Variants in SNX7 observed in about 807,000 individuals in gnomAD.
SNX7 encodes sorting nexin 7.
SNX7 carries 35 observed loss-of-function variants against 48.4 expected under a neutral mutation model. The observed-to-expected ratio is 0.72, with a 90% CI of 0.55 to 0.96. SNX7 has a LOEUF of 0.96. Ranked by LOEUF, SNX7 falls within the 40% of genes least tolerant of loss-of-function variation. The pLI is 0.00. For missense variants in SNX7, 553 were observed against 548.9 expected, an observed-to-expected ratio of 1.01 and a Z score of -0.07; for synonymous variants, 190 against 190.2, an observed-to-expected ratio of 1.00 and a Z score of 0.01.
intron 7 of SNX7, among the ~76,000 whole-genome samples, chr1:98,720,299 TC>T (rs1652797127): frequency 6.6e-6 from 1 of 152,070 alleles, no homozygotes; most frequent in South Asian, 2.1e-4. Flanking sequence ...AATCTTTGTC[TC>T]CTTTCTTTAA....
In SNX7 at chr1:98,668,449, T is replaced by C. The variant is rs1649662767; in HGVS notation, c.180+6538T>C. Among the ~76,000 whole-genome samples the C allele has an allele frequency of 2.0e-5, 3 of 152,228 alleles. No homozygotes were observed. In the South Asian group the frequency reaches 6.2e-4, roughly 31 times the overall value. ...CTCATCTTCAGATGCCAGTGCCTTG[T>C]TATGGATTCTTTGGAATACTGTGTT... On this transcript the variant is annotated intron_variant, in intron 1 of 8. Transcript: ENST00000306121.
At chr1:98,736,532 A>G (rs571961378) in intron 7 of SNX7, among the ~76,000 whole-genome samples, 2 of 152,300 alleles carry the variant, frequency 1.3e-5, no homozygotes, top group East Asian at 3.9e-4. Flanking sequence ...TTTAAGATTC[A>G]GCAAAATACC....
chr1:98,754,847 C>A (rs907030322), intron 8 of SNX7, among the ~76,000 whole-genome samples: 1 of 144,464 alleles, frequency 6.9e-6, no homozygotes, highest in Non-Finnish European at 1.5e-5. Flanking sequence ...GTTTTTTTTT[C>A]TTCTGCATTT....
intron 1 of SNX7, among the ~76,000 whole-genome samples, chr1:98,663,947 C>G (rs4402170): frequency 0.24 from 36,158 of 152,062 alleles, 4,423 homozygotes; most frequent in East Asian, 0.33. Context: ...TAAAATTAGC[C>G]ACTTTCATCC....
intron 1 of SNX7, among the ~76,000 whole-genome samples, chr1:98,666,899 T>C (rs1649565815): frequency 6.6e-6 from 1 of 152,192 alleles, no homozygotes; most frequent in South Asian, 2.1e-4. Flanking sequence ...TGAAACCATA[T>C]GTAAATGCTT....
At chr1:98,706,909 A>C (rs1457783302) in intron 7 of SNX7, among the ~76,000 whole-genome samples, 1 of 152,160 alleles carries the variant, frequency 6.6e-6, no homozygotes, top group African/African-American at 2.4e-5. Context: ...TAATTTTCTC[A>C]GATTTGGAAA....
chr1:98,687,036 G>A (rs957929728), intron 2 of SNX7, among the ~76,000 whole-genome samples: 1 of 152,022 alleles, frequency 6.6e-6, no homozygotes, highest in Non-Finnish European at 1.5e-5. Flanking sequence ...AGTAATAGTA[G>A]TAGTAATAAT....
intron 8 of SNX7, among the ~76,000 whole-genome samples, chr1:98,738,878 T>C (rs189869393): frequency 1.2e-3 from 142 of 119,618 alleles, no homozygotes; most frequent in African/African-American, 4.6e-3. Flanking sequence ...CTGACTTTTC[T>C]CAGAGAAGTT....
intron 4 of SNX7, among the ~76,000 whole-genome samples, chr1:98,694,060 T>C (rs1382329365): frequency 6.6e-6 from 1 of 152,208 alleles, no homozygotes; most frequent in Non-Finnish European, 1.5e-5. Context: ...ATGAAATAAC[T>C]AGTTTCGTAT....
intron 8 of SNX7, among the ~76,000 whole-genome samples, chr1:98,755,162 A>G (rs1360853846): frequency 1.4e-4 from 21 of 152,176 alleles, no homozygotes; most frequent in Admixed American, 1.4e-3. Context: ...TGTTCAGAGA[A>G]CATACTTTAT....
At chr1:98,721,598 C>T (rs1652875978) in intron 7 of SNX7, among the ~76,000 whole-genome samples, 1 of 151,856 alleles carries the variant, frequency 6.6e-6, no homozygotes, top group Non-Finnish European at 1.5e-5. Flanking sequence ...TAATATTTAC[C>T]TTACAGGGTA....
At chr1:98,746,250 A>G (rs770960745) in intron 8 of SNX7, among the ~76,000 whole-genome samples, 20 of 152,098 alleles carry the variant, frequency 1.3e-4, no homozygotes, top group Non-Finnish European at 2.8e-4. Context: ...ACTATTATAA[A>G]TATCAGAGGA....
At chr1:98,721,773 T>A (rs1005377398) in intron 7 of SNX7, among the ~76,000 whole-genome samples, 3 of 152,096 alleles carry the variant, frequency 2.0e-5, no homozygotes, top group Admixed American at 6.6e-5. Context: ...CTAATGGTAA[T>A]TGAACATACT....
At chr1:98,728,676 C>G (rs1056723408) in intron 7 of SNX7, among the ~76,000 whole-genome samples, 1 of 151,964 alleles carries the variant, frequency 6.6e-6, no homozygotes, top group African/African-American at 2.4e-5. Flanking sequence ...AGACTTTAAA[C>G]CAACAAAGAT....
intron 7 of SNX7, among the ~76,000 whole-genome samples, chr1:98,727,135 G>A (rs9729058): frequency 0.22 from 33,692 of 152,150 alleles, 4,333 homozygotes; most frequent in Non-Finnish European, 0.29. Flanking sequence ...GCGTGAACCC[G>A]GGACGTGGAG....
chr1:98,728,926 A>T (rs1350900273), intron 7 of SNX7, among the ~76,000 whole-genome samples: 4 of 152,332 alleles, frequency 2.6e-5, no homozygotes, highest in African/African-American at 9.6e-5. Context: ...ACTTAAACTC[A>T]GCTAGGGATC....
intron 7 of SNX7, among the ~76,000 whole-genome samples, chr1:98,702,104 T>G (rs1271358887): frequency 6.6e-6 from 1 of 152,120 alleles, no homozygotes. Flanking sequence ...ACAATGACGG[T>G]TTTCTGCCTT....
chr1:98,674,926 C>G (rs967313349), intron 1 of SNX7, among the ~76,000 whole-genome samples: 3 of 152,110 alleles, frequency 2.0e-5, no homozygotes, highest in African/African-American at 7.2e-5. Flanking sequence ...TTTCACTGTT[C>G]TAGCTACAGG....
chr1:98,708,583 A>G (rs1190835152), intron 7 of SNX7, among the ~76,000 whole-genome samples: 1 of 152,154 alleles, frequency 6.6e-6, no homozygotes, highest in African/African-American at 2.4e-5. Flanking sequence ...GGGTTTGCAC[A>G]CACACAGCTG....
Sources: allele counts gnomAD v4.1 joint callset (sites outside exome capture counted in the v4.1 genomes callset), GRCh38; gene constraint gnomAD v4.1.1; transcripts MANE v1.5; gene names NCBI Gene and HGNC (gene_info 2026-07-23, HGNC 2026-07-21).